The following LRRK1 variants were observed in gnomAD, a reference collection of about 807,000 sequenced individuals.
LRRK1 encodes the protein leucine rich repeat kinase 1, also known as leucine-rich repeat serine/threonine-protein kinase 1.
A neutral mutation model predicts 209.1 loss-of-function variants in LRRK1; 113 were observed. The ratio of observed to expected loss-of-function variants is 0.54; its 90% confidence interval spans 0.46 to 0.63. LRRK1 has a LOEUF of 0.63. Ranked by LOEUF, LRRK1 falls within the 30% of genes least tolerant of loss-of-function variation. LRRK1 has a pLI of 0.00. For synonymous variants in LRRK1, 1,144 were observed against 1,099.7 expected, an observed-to-expected ratio of 1.04 and a Z score of -0.80; for missense variants, 2,284 against 2,632.2, an observed-to-expected ratio of 0.87 and a Z score of 2.89.
rs1472635236 is a variant in LRRK1 at position 101,022,801 on chromosome 15, T to C, written c.2067+204T>C. Among the ~76,000 whole-genome samples the C allele has an allele frequency of 6.6e-6, 1 of 151,222 alleles. No homozygotes were observed. The highest frequency in any genetic ancestry group is 6.6e-5 in the Admixed American group (1 of 15,246). On this transcript the variant is annotated intron_variant, in intron 15 of 33. Transcript: ENST00000388948. This position sits in a 1 kb window ranked among gnomAD's most constrained non-coding sequence, Gnocchi z 4.0. ...CTTAATGTGACTTTGTGATGTTTTC[T>C]TTTTCTTTACTTTTCTTTTTTTTTT...
At chr15:101,057,221 CTT>C (rs2035862094) in intron 28 of LRRK1, among the ~76,000 whole-genome samples, 171 bp downstream of exon 28, 1 of 152,210 alleles carries the variant, frequency 6.6e-6, no homozygotes, top group African/African-American at 2.4e-5. Flanking sequence ...CTTTCATTGT[CTT>C]TGTGTGTGCG....
At chr15:101,052,072 C>A in intron 24 of LRRK1, 112 bp downstream of exon 24, 1 of 1,261,324 alleles carries the variant, frequency 7.9e-7, no homozygotes, top group Non-Finnish European at 1.1e-6. Flanking sequence ...GCAGGTGCCC[C>A]GGCCATGGCT....
Position 101,066,595 on chromosome 15 carries a change from C to A in LRRK1, c.5769-45C>A, listed in dbSNP as rs372462290. The stretch of plus-strand genomic sequence containing the variant: ...CACCGGCTTCACTCCCCGGAGAGCA[C>A]GGCTACCGACAAATCGCTTCCCCTT... On this transcript the variant is annotated intron_variant, in intron 32 of 33. Transcript: ENST00000388948. 2.0e-5 allele frequency: 31 copies of A among 1,571,198 alleles called. No homozygotes were observed. In the East Asian group the frequency reaches 6.7e-4, roughly 34 times the overall value.
intron 33 of LRRK1, 31 bp downstream of exon 33, chr15:101,066,772 C>G (rs889279133): frequency 1.3e-6 from 2 of 1,557,858 alleles, no homozygotes; most frequent in Non-Finnish European, 1.8e-6. Context: ...CTTTAGGACC[C>G]AGGCAGCAGC....
intron 4 of LRRK1, among the ~76,000 whole-genome samples, chr15:100,987,157 GCT>G (rs1249497029): frequency 6.6e-6 from 1 of 152,140 alleles, no homozygotes; most frequent in Non-Finnish European, 1.5e-5. Context: ...CTTGGCACTG[GCT>G]CCAGCCTCAG....
In LRRK1 at chr15:101,022,524, A is replaced by G; in HGVS notation, c.1994A>G (p.Gln665Arg). 1 of 1,614,134 alleles carries G rather than the reference A, an allele frequency of 6.2e-7. No individual in the cohort carries two copies. The highest frequency in any genetic ancestry group is 8.5e-7 in the Non-Finnish European group (1 of 1,180,018). Residue 665 changes from glutamine to arginine, a missense_variant, in exon 15 of 34, where the codon CAG (glutamine) becomes CGG (arginine). Around this residue, in one of 6 missense-constraint regions of LRRK1, gnomAD observed 494 missense variants for 522.1 expected, o/e 0.95. Coordinates refer to ENST00000388948, the MANE Select transcript of LRRK1 (RefSeq NM_024652.6). The surrounding 1 kb of genome is among the most constrained non-coding windows in gnomAD (Gnocchi z 4.0). The stretch of plus-strand genomic sequence containing the variant: ...ATCTTACAGACGGGGAGGGCCCCCC[A>G]GGTGGTGCATGGAGAGGCCACCATC... ...LEILQTGRAP[Q>R]VVHGEATIRT...
chr15:101,046,011 A>G lies in LRRK1; in HGVS notation c.2994A>G (p.Lys998=). ...TCCTGCCCCATCTCCTTCCATCTAAACCTGGCCTGGACACCCACGGTATGC... is the reference window on the plus strand; with the variant it reads ...TCCTGCCCCATCTCCTTCCATCTAAGCCTGGCCTGGACACCCACGGTATGC... ...SYLLPHLLPS[K]PGLDTHGMRH... The change falls in exon 21 of 34, where the codon AAA becomes AAG. Residue 998 remains lysine, a synonymous_variant. Coordinates refer to ENST00000388948, the MANE Select transcript of LRRK1 (RefSeq NM_024652.6). 6.2e-7 allele frequency: 1 copy of G among 1,613,936 alleles called. No homozygotes were observed. Among genetic ancestry groups the G allele is most frequent in the Non-Finnish European group, 8.5e-7 (1 of 1,179,988 alleles).
At chr15:101,063,154 CTT>C (rs1265452718) in intron 31 of LRRK1, among the ~76,000 whole-genome samples, 1 of 152,214 alleles carries the variant, frequency 6.6e-6, no homozygotes, top group Non-Finnish European at 1.5e-5. Flanking sequence ...CGCAGTTTCT[CTT>C]TGTGCAGCAT....
chr15:100,993,107 A>G (rs1330790941), intron 6 of LRRK1, among the ~76,000 whole-genome samples: 3 of 152,218 alleles, frequency 2.0e-5, no homozygotes, highest in Non-Finnish European at 4.4e-5. Flanking sequence ...AAGCAATAAA[A>G]TACCTGTCTC....
chr15:101,022,060 C>T lies in LRRK1; in HGVS notation c.1852+103C>T, dbSNP rs536670869. On this transcript the variant is annotated intron_variant, in intron 14 of 33. Transcript: ENST00000388948. The surrounding 1 kb of genome is among the most constrained non-coding windows in gnomAD (Gnocchi z 4.0). Reference sequence around the variant, plus strand: ...TGGAGACAGTTGGTGACCCATGGAGCCCAGCTCCAGGTTCCAGATTTGACA... The same window carrying T: ...TGGAGACAGTTGGTGACCCATGGAGTCCAGCTCCAGGTTCCAGATTTGACA... 2 of 797,146 alleles carry T rather than the reference C, an allele frequency of 2.5e-6. No homozygotes were observed. The highest frequency in any genetic ancestry group is 5.4e-5 in the Admixed American group (2 of 36,808). 49.4% of individuals were successfully genotyped at this position (797,146 alleles called of 1,614,324 possible). A position where few individuals can be genotyped will look rare whatever the true frequency, so the allele number is the denominator to read the frequency against.
chr15:101,041,309 A>G (rs75660072), intron 20 of LRRK1, among the ~76,000 whole-genome samples: 2 of 152,346 alleles, frequency 1.3e-5, no homozygotes, highest in East Asian at 1.9e-4. Flanking sequence ...ACATTATCCA[A>G]TCTGATAATC....
chr15:101,008,522 C>G (rs1244080295), intron 6 of LRRK1, among the ~76,000 whole-genome samples: 1 of 152,208 alleles, frequency 6.6e-6, no homozygotes, highest in Admixed American at 6.5e-5. Context: ...CCGCCGCGCT[C>G]TTCCCTGTGA....
At chr15:100,969,075 A>G (rs2030686087) in intron 2 of LRRK1, among the ~76,000 whole-genome samples, 1 of 152,116 alleles carries the variant, frequency 6.6e-6, no homozygotes. Context: ...CCTAGGCTCA[A>G]TGGATACACC....
intron 20 of LRRK1, among the ~76,000 whole-genome samples, chr15:101,042,228 C>T (rs1339807745): frequency 6.6e-6 from 1 of 151,560 alleles, no homozygotes; most frequent in Non-Finnish European, 1.5e-5. Flanking sequence ...CTTTTTTAGA[C>T]AAGACTTTTG....
Position 101,022,853 on chromosome 15 carries a change from T to A in LRRK1, c.2067+256T>A, listed in dbSNP as rs7171023. Among the ~76,000 whole-genome samples the A allele has an allele frequency of 0.078, 11,768 of 151,836 alleles. 1,537 individuals carry two copies. The highest frequency in any genetic ancestry group is 0.27 in the African/African-American group (10,930 of 41,228). On this transcript the variant is annotated intron_variant, in intron 15 of 33. Coordinates refer to ENST00000388948, the MANE Select transcript of LRRK1 (RefSeq NM_024652.6). The surrounding 1 kb of genome is among the most constrained non-coding windows in gnomAD (Gnocchi z 4.0). The stretch of plus-strand genomic sequence containing the variant: ...TCTTGAGACAGGGTTTCACTGTGTC[T>A]CTCAGGCTGGATGCATCCTCAACCT...
chr15:100,943,651 C>T (rs2042484889), intron 2 of LRRK1, among the ~76,000 whole-genome samples: 1 of 150,842 alleles, frequency 6.6e-6, no homozygotes, highest in Non-Finnish European at 1.5e-5. Flanking sequence ...TTTAGTTCCT[C>T]CTCAGTTCTT....
At chr15:100,997,754 G>C (rs947688079) in intron 6 of LRRK1, among the ~76,000 whole-genome samples, 1 of 152,208 alleles carries the variant, frequency 6.6e-6, no homozygotes. Context: ...TTTTCTCCCA[G>C]TGAACTGTTC....
intron 29 of LRRK1, 67 bp from the exon 30 acceptor site, chr15:101,061,104 C>G (rs576109506): frequency 1.8e-5 from 22 of 1,233,418 alleles, no homozygotes; most frequent in Non-Finnish European, 2.1e-5. Flanking sequence ...GCTGGCAGGC[C>G]AGGCTCAGGG....
At chr15:101,052,241 G>A (rs537254297) in intron 24 of LRRK1, among the ~76,000 whole-genome samples, 12 of 152,170 alleles carry the variant, frequency 7.9e-5, no homozygotes, top group African/African-American at 2.4e-4. Flanking sequence ...CCTTCCCCTC[G>A]TAGCCAGAGC....
Sources: gnomAD v4.1 joint callset for allele counts (sites outside exome capture counted in the v4.1 genomes callset) on GRCh38, gnomAD v4.1.1 for gene constraint, gnomAD v4.1.1 regional missense constraint, Gnocchi (gnomAD v3.1) non-coding constraint, MANE v1.5 for transcripts, NCBI Gene and HGNC (gene_info 2026-07-23, HGNC 2026-07-21) for gene names.